The following NAMPT variants were observed in gnomAD, a reference collection of about 807,000 sequenced individuals.
The protein encoded by NAMPT is nicotinamide phosphoribosyltransferase, also known as NAmPRTase.
NAMPT carries 7 observed loss-of-function variants against 58.7 expected under a neutral mutation model. The observed-to-expected ratio is 0.12, with a 90% CI of 0.07 to 0.22. The LOEUF (loss-of-function observed/expected upper bound fraction) is 0.22, where lower values mean the gene tolerates loss of function less well. Among genes scored for constraint, NAMPT ranks in the 10% least tolerant of loss-of-function variants. The pLI is 1.00. For synonymous variants in NAMPT, 145 were observed against 198.1 expected (o/e 0.73, Z 2.25); for missense variants, 271 against 567.9 (o/e 0.48, Z 5.31).
intron 8 of NAMPT, among the ~76,000 whole-genome samples, chr7:106,255,026 G>C (rs1203271149): frequency 6.6e-6 from 1 of 152,130 alleles, no homozygotes; most frequent in Non-Finnish European, 1.5e-5. Context: ...CTATATAACA[G>C]TTGGTATACT....
At position 106,272,604 on chromosome 7, in the gene NAMPT, T is replaced by C. The variant is rs760718727; in HGVS notation, c.373A>G (p.Ile125Val). ...GTGAAGAGAACATTTCCTCTGGGAA[T>C]GACAAAGCCCTCAGGAACAGCTTTT... ...EIKAVPEGFV[I>V]PRGNVLFTVE... The change falls in exon 4 of 11, where the codon ATT becomes GTT. Residue 125 changes from isoleucine to valine, a missense_variant. Physicochemically the swap from Ile to Val is conservative, Grantham distance 29. Coordinates refer to ENST00000222553, the MANE Select transcript of NAMPT (RefSeq NM_005746.3). 2 of 1,613,462 alleles carry C rather than the reference T, an allele frequency of 1.2e-6. No homozygotes were observed. The highest frequency in any genetic ancestry group is 1.7e-6 in the Non-Finnish European group (2 of 1,179,536).
chr7:106,268,226 C>T (rs1792466456), intron 6 of NAMPT: 1 of 324,630 alleles, frequency 3.1e-6, no homozygotes, highest in African/African-American at 2.1e-5. Flanking sequence ...AAGAAAACTT[C>T]TATGGCAATA....
chr7:106,266,836 T>TCAG (rs1241287080), intron 6 of NAMPT, among the ~76,000 whole-genome samples: 1 of 152,224 alleles, frequency 6.6e-6, no homozygotes, highest in Non-Finnish European at 1.5e-5. Context: ...CTCAAAAATG[T>TCAG]CAGTGCCTGC....
chr7:106,269,371 G>T (rs1371085742), intron 4 of NAMPT, 59 bp from the exon 5 acceptor site: 5 of 1,416,760 alleles, frequency 3.5e-6, no homozygotes, highest in Admixed American at 2.3e-5. Flanking sequence ...TCTTTCTGAG[G>T]AAAATCCTAG....
intron 7 of NAMPT, among the ~76,000 whole-genome samples, chr7:106,261,960 T>C (rs1792311140): frequency 6.6e-6 from 1 of 152,038 alleles, no homozygotes; most frequent in African/African-American, 2.4e-5. Context: ...AACAAGTTTT[T>C]CCCCTTAGAC....
chr7:106,269,119 CATTAT>C (rs1293098876), intron 5 of NAMPT, 30 bp downstream of exon 5: 1 of 1,577,340 alleles, frequency 6.3e-7, no homozygotes, highest in African/African-American at 1.4e-5. Flanking sequence ...CAACAATCCA[CATTAT>C]ATTAAATGAG....
intron 10 of NAMPT, among the ~76,000 whole-genome samples, chr7:106,252,750 T>A (rs1001532759): frequency 3.9e-5 from 6 of 152,108 alleles, no homozygotes; most frequent in Non-Finnish European, 7.4e-5. Flanking sequence ...GTAACATAGT[T>A]TGCTTTTGGA....
chr7:106,248,733 C>T lies in NAMPT; in HGVS notation c.*2350G>A, dbSNP rs562277577. ...TCTAATGACTTAAATCCATAAATGC[C>T]ATTTGCTTTTGTCTGGAAGATTTAG... On this transcript the variant is annotated 3_prime_UTR_variant, in exon 11 of 11. Transcript: ENST00000222553. The T allele has an allele frequency of 1.3e-5, 2 of 152,010 alleles. No individual in the cohort carries two copies. The highest frequency in any genetic ancestry group is 2.1e-4 in the South Asian group (1 of 4,822). The allele number at this position is 152,010 out of a possible 1,614,324, so 9.4% of individuals were successfully genotyped here.
intron 8 of NAMPT, 142 bp downstream of exon 8, chr7:106,261,446 C>A: frequency 1.5e-6 from 1 of 663,150 alleles, no homozygotes. Context: ...TATTTCTAAA[C>A]TTTAAGCAAT....
At chr7:106,260,869 G>T (rs1451624272) in intron 8 of NAMPT, among the ~76,000 whole-genome samples, 3 of 152,182 alleles carry the variant, frequency 2.0e-5, no homozygotes, top group Non-Finnish European at 4.4e-5. Flanking sequence ...ATCTGGGTGT[G>T]CCCTGTGGTG....
chr7:106,253,988 C>T (rs1428814395), intron 9 of NAMPT, among the ~76,000 whole-genome samples: 1 of 152,098 alleles, frequency 6.6e-6, no homozygotes, highest in African/African-American at 2.4e-5. Flanking sequence ...ATTCTACCTT[C>T]CTGTAACAGT....
intron 8 of NAMPT, among the ~76,000 whole-genome samples, chr7:106,256,428 G>A (rs116547297): frequency 6.6e-6 from 1 of 152,172 alleles, no homozygotes; most frequent in Non-Finnish European, 1.5e-5. Context: ...AAATAAAGCA[G>A]ATTTTTCATT....
intron 6 of NAMPT, among the ~76,000 whole-genome samples, chr7:106,264,098 C>A (rs74382409): frequency 2.0e-5 from 3 of 151,968 alleles, no homozygotes; most frequent in Non-Finnish European, 4.4e-5. Context: ...TGTTTTTTTA[C>A]CTTTCAAAAT....
At chr7:106,267,246 C>T (rs1054479619) in intron 6 of NAMPT, among the ~76,000 whole-genome samples, 3 of 152,050 alleles carry the variant, frequency 2.0e-5, no homozygotes, top group Non-Finnish European at 2.9e-5. Flanking sequence ...TACCTCCTTA[C>T]GAGGAGTTAA....
At chr7:106,265,567 TAAAAA>T (rs35685666) in intron 6 of NAMPT, among the ~76,000 whole-genome samples, 2 of 116,458 alleles carry the variant, frequency 1.7e-5, no homozygotes, top group African/African-American at 6.6e-5. Context: ...CTCAAAAGCT[TAAAAA>T]AAAAAAAAAA....
Position 106,250,207 on chromosome 7 carries a change from C to T in NAMPT, c.*876G>A, listed in dbSNP as rs1051367539. 12 of 152,304 alleles carry T rather than the reference C, an allele frequency of 7.9e-5. No individual in the cohort carries two copies. The highest frequency in any genetic ancestry group is 1.5e-4 in the Non-Finnish European group (10 of 67,908). The allele number at this position is 152,304 out of a possible 1,614,324, so 9.4% of individuals were successfully genotyped here. A position where few individuals can be genotyped will look rare whatever the true frequency, so the allele number is the denominator to read the frequency against. ...AGTGTAATTACTTTAAAATACACTACTTCCACTTTTGTAAGTATTTTACAT... is the reference window on the plus strand; with the variant it reads ...AGTGTAATTACTTTAAAATACACTATTTCCACTTTTGTAAGTATTTTACAT... On this transcript the variant is annotated 3_prime_UTR_variant, in exon 11 of 11. Coordinates refer to ENST00000222553, the MANE Select transcript of NAMPT (RefSeq NM_005746.3).
chr7:106,254,586 T>C (rs1792166907), intron 8 of NAMPT, 82 bp from the exon 9 acceptor site: 9 of 1,443,842 alleles, frequency 6.2e-6, no homozygotes, highest in South Asian at 4.8e-5. Context: ...ACAATATTGA[T>C]GAATGAAGCA....
intron 1 of NAMPT, chr7:106,284,461 C>A (rs1274489980): frequency 6.6e-6 from 1 of 152,530 alleles, no homozygotes; most frequent in East Asian, 1.9e-4. Flanking sequence ...GCCAAGAGGC[C>A]GCGCTTCAGG....
intron 7 of NAMPT, chr7:106,263,014 A>G (rs973469193): frequency 2.1e-5 from 4 of 191,524 alleles, no homozygotes; most frequent in Non-Finnish European, 4.4e-5. Context: ...CCCTGTTCCT[A>G]TTTCTTCTGT....
Sources: allele counts gnomAD v4.1 joint callset (sites outside exome capture counted in the v4.1 genomes callset), GRCh38; gene constraint gnomAD v4.1.1; transcripts MANE v1.5; gene names NCBI Gene and HGNC (gene_info 2026-07-23, HGNC 2026-07-21).